COPS7B: variants seen among roughly 807,000 people sequenced by gnomAD.
COPS7B encodes the protein COP9 signalosome complex subunit 7b.
Under a neutral mutation model 33.4 loss-of-function variants are expected in COPS7B, and 9 were observed. The observed-to-expected ratio is 0.27, with a 90% CI of 0.16 to 0.47. The LOEUF is 0.47. Among genes scored for constraint, COPS7B ranks in the 20% least tolerant of loss-of-function variants. COPS7B has a pLI of 0.99. For synonymous variants in COPS7B, 119 were observed against 126.3 expected, an observed-to-expected ratio of 0.94 and a Z score of 0.39; for missense variants, 242 against 318.2, an observed-to-expected ratio of 0.76 and a Z score of 1.82.
At chr2:231,805,597 A>G (rs2049872683) in intron 6 of COPS7B, among the ~76,000 whole-genome samples, 1 of 150,050 alleles carries the variant, frequency 6.7e-6, no homozygotes, top group African/African-American at 2.5e-5. Flanking sequence ...CTGAATAGCT[A>G]GGACTATAGG....
At chr2:231,806,863 GA>G (rs1296786391) in intron 6 of COPS7B, among the ~76,000 whole-genome samples, 2 of 152,204 alleles carry the variant, frequency 1.3e-5, no homozygotes, top group Non-Finnish European at 2.9e-5. Flanking sequence ...CAAAAAACTG[GA>G]AAACTGGAGA....
rs1343186283 is a variant in COPS7B at position 231,788,688 on chromosome 2, G to A, written c.118G>A (p.Val40Met). The A allele has an allele frequency of 1.2e-6, 2 of 1,614,228 alleles. No homozygotes were observed. The highest frequency in any genetic ancestry group is 1.7e-6 in the Non-Finnish European group (2 of 1,180,040). ...LISQVLEAPG[V>M]YVFGELLELA... ...AAGCCAGGTCTTAGAGGCTCCCGGA[G>A]TGTATGTCTTTGGAGAACTTCTGGA... Residue 40 changes from valine to methionine, a missense_variant, in exon 2 of 7, where the codon GTG becomes ATG. By Grantham distance (21) the Val-to-Met change is conservative (BLOSUM62 1). Transcript: ENST00000350033.
chr2:231,786,599 C>T, intron 1 of COPS7B, 61 bp downstream of exon 1: 1 of 841,876 alleles, frequency 1.2e-6, no homozygotes, highest in East Asian at 1.2e-4. Context: ...GCCAGACGAT[C>T]CGGCTTAGAG....
intron 1 of COPS7B, among the ~76,000 whole-genome samples, chr2:231,786,827 C>T (rs910657215): frequency 4.6e-5 from 7 of 152,216 alleles, no homozygotes; most frequent in Non-Finnish European, 8.8e-5. Flanking sequence ...ATCCAAATAG[C>T]GCCCTCCCCT....
chr2:231,795,111 G>A (rs1019174821), intron 4 of COPS7B, among the ~76,000 whole-genome samples: 1 of 151,912 alleles, frequency 6.6e-6, no homozygotes, highest in Non-Finnish European at 1.5e-5. Context: ...TACAGTCAGG[G>A]TTTCATCACG....
chr2:231,800,212 G>C (rs143808844), intron 6 of COPS7B, among the ~76,000 whole-genome samples: 1 of 152,176 alleles, frequency 6.6e-6, no homozygotes, highest in Non-Finnish European at 1.5e-5. Flanking sequence ...GAAGTATTGC[G>C]TGAGTCCAGG....
At chr2:231,800,318 A>G (rs979610775) in intron 6 of COPS7B, among the ~76,000 whole-genome samples, 1 of 152,230 alleles carries the variant, frequency 6.6e-6, no homozygotes, top group African/African-American at 2.4e-5. Context: ...CTTTTCTAAT[A>G]AGCTGTGCAA....
Position 231,791,738 on chromosome 2 carries a change from G to A in COPS7B, c.168G>A (p.Ala56=), listed in dbSNP as rs766054378. The change falls in exon 3 of 7, where the codon GCG becomes GCA. Residue 56 remains alanine (A), a synonymous_variant. Transcript: ENST00000350033. ...LLELANVQEL[A]EGANAAYLQL... The stretch of plus-strand genomic sequence containing the variant: ...ACTTTTTTTTTCCTCTTCAGCTTGC[G>A]GAAGGAGCTAATGCTGCTTATTTGC... The A allele has an allele frequency of 8.7e-6, 14 of 1,613,898 alleles. No homozygotes were observed. Among genetic ancestry groups the A allele is most frequent in the East Asian group, 2.2e-5 (1 of 44,894 alleles).
chr2:231,789,220 A>G (rs1356192058), intron 2 of COPS7B: 1 of 153,534 alleles, frequency 6.5e-6, no homozygotes, highest in East Asian at 1.9e-4. Flanking sequence ...TATGACATGA[A>G]AAGCTAGGAC....
At chr2:231,788,886 A>G (rs2049329073) in intron 2 of COPS7B, 154 bp downstream of exon 2, 1 of 615,454 alleles carries the variant, frequency 1.6e-6, no homozygotes, top group Non-Finnish European at 2.8e-6. Context: ...GATTGAGAGA[A>G]TATCCTTGGC....
Position 231,788,746 on chromosome 2 carries a change from GCAAA to G in COPS7B, c.162+18_162+21del, listed in dbSNP as rs766274905. On this transcript the variant is annotated intron_variant, in intron 2 of 6. Transcript: ENST00000350033. ...AACGTGCAGGAGGTAAGAACGGTTT[GCAAA>G]CAATTTCTCTTTATTCTAAGACTCT... 5.0e-6 allele frequency: 8 copies of G among 1,605,774 alleles called. No individual in the cohort carries two copies. In the African/African-American group the frequency reaches 1.1e-4, roughly 22 times the overall value.
rs532362775 is a variant in COPS7B at position 231,808,272 on chromosome 2, G to A, written c.*627G>A. On this transcript the variant is annotated 3_prime_UTR_variant, in exon 7 of 7. Transcript: ENST00000350033. Reference sequence around the variant, plus strand: ...CTCCGATCTCCAATTAGTTGAGAGCGCTGGGTTGACTAACCTCTGGTATCT... The same window carrying A: ...CTCCGATCTCCAATTAGTTGAGAGCACTGGGTTGACTAACCTCTGGTATCT... 7 of 372,830 alleles carry A rather than the reference G, an allele frequency of 1.9e-5. No homozygotes were observed. The highest frequency in any genetic ancestry group is 1.6e-4 in the East Asian group (2 of 12,642). The allele number at this position is 372,830 out of a possible 1,614,324, so 23.1% of individuals were successfully genotyped here. A position where few individuals can be genotyped will look rare whatever the true frequency, so the allele number is the denominator to read the frequency against.
chr2:231,789,711 A>C (rs2106312949), intron 2 of COPS7B: 1 of 152,214 alleles, frequency 6.6e-6, no homozygotes, highest in Middle Eastern at 3.4e-3. Context: ...CCACCACAAC[A>C]CCTTTGCTGT....
intron 6 of COPS7B, among the ~76,000 whole-genome samples, chr2:231,801,771 T>A (rs1327106645): frequency 6.6e-6 from 1 of 151,838 alleles, no homozygotes; most frequent in East Asian, 1.9e-4. Context: ...CCCAACCTAC[T>A]TTTCTTTTTT....
intron 3 of COPS7B, 117 bp from the exon 4 acceptor site, chr2:231,794,146 A>C: frequency 1.5e-6 from 1 of 673,880 alleles, no homozygotes; most frequent in African/African-American, 1.8e-5. Context: ...AATAAGTGCA[A>C]AGTCATGATA....
upstream of COPS7B, chr2:231,786,016 G>T: frequency 6.6e-6 from 1 of 152,244 alleles, no homozygotes. Context: ...AATAATACAA[G>T]CCACAGTTAT....
intron 2 of COPS7B, chr2:231,790,218 GT>G (rs1203786033): frequency 2.0e-5 from 3 of 152,244 alleles, no homozygotes; most frequent in African/African-American, 4.8e-5. Context: ...CCAAGTAGTT[GT>G]TTTGTAACTG....
At position 231,796,157 on chromosome 2, in the gene COPS7B, G is replaced by A; in HGVS notation, c.379G>A (p.Glu127Lys). The change falls in exon 5 of 7, where the codon GAA becomes AAA. Residue 127 changes from glutamate to lysine, a missense_variant. Transcript: ENST00000350033. ...LKDLEMRNLR[E>K]LEDLIIEAVY... ...AGACCTGGAGATGCGGAATCTCCGG[G>A]AACTAGAAGACCTTATCATTGAGGC... 6.2e-7 allele frequency: 1 copy of A among 1,614,100 alleles called. No individual in the cohort carries two copies. Among genetic ancestry groups the A allele is most frequent in the Non-Finnish European group, 8.5e-7 (1 of 1,180,008 alleles).
rs748855416 is a variant in COPS7B, at chr2:231,791,696, A to T, written c.163-37A>T. ...TTGAACACTACAGTGATTGGTAGAC[A>T]GTTTGGTCTGTGGTGAACTTTTTTT... On this transcript the variant is annotated intron_variant, in intron 2 of 6. Coordinates refer to ENST00000350033, the MANE Select transcript of COPS7B (RefSeq NM_022730.4). 3.2e-6 allele frequency: 5 copies of T among 1,570,250 alleles called. No individual in the cohort carries two copies. The East Asian group carries it at 1.1e-4, about 35-fold the overall frequency.
Sources: gnomAD v4.1 joint callset for allele counts (sites outside exome capture counted in the v4.1 genomes callset) on GRCh38, gnomAD v4.1.1 for gene constraint, MANE v1.5 for transcripts, NCBI Gene and HGNC (gene_info 2026-07-23, HGNC 2026-07-21) for gene names.